Variants in BMPR1B observed in about 807,000 individuals in gnomAD.
BMPR1B encodes the protein bone morphogenetic protein receptor type 1B.
BMPR1B carries 12 observed loss-of-function variants against 59.1 expected under a neutral mutation model. The observed-to-expected ratio is 0.20, with a 90% CI of 0.13 to 0.33. The LOEUF is 0.33. Ranked by LOEUF, BMPR1B falls within the 10% of genes least tolerant of loss-of-function variation. The probability of loss-of-function intolerance (pLI) is 1.00; values close to 1 mark genes in which losing one functional copy is unlikely to be tolerated. For synonymous variants in BMPR1B, 237 were observed against 207.3 expected, an observed-to-expected ratio of 1.14 and a Z score of -1.23; for missense variants, 550 against 610.9, an observed-to-expected ratio of 0.90 and a Z score of 1.05.
At chr4:95,111,538 T>C (rs1042941877) in intron 4 of BMPR1B, among the ~76,000 whole-genome samples, 2 of 152,152 alleles carry the variant, frequency 1.3e-5, no homozygotes, top group African/African-American at 4.8e-5. Context: ...TCCAGAAGGC[T>C]ATATTATAAA....
At chr4:95,013,559 T>G (rs1424316489) in intron 3 of BMPR1B, among the ~76,000 whole-genome samples, 1 of 152,194 alleles carries the variant, frequency 6.6e-6, no homozygotes, top group Non-Finnish European at 1.5e-5. Context: ...CATTGTTTTC[T>G]GTATATATGG....
chr4:95,134,744 T>A (rs1328523921), intron 10 of BMPR1B, among the ~76,000 whole-genome samples: 3 of 152,198 alleles, frequency 2.0e-5, no homozygotes, highest in Non-Finnish European at 4.4e-5. Context: ...GTTTGAGTTC[T>A]TTGTAGATTC....
chr4:95,111,839 T>G (rs1235456749), intron 4 of BMPR1B, among the ~76,000 whole-genome samples: 1 of 152,058 alleles, frequency 6.6e-6, no homozygotes, highest in Non-Finnish European at 1.5e-5. Flanking sequence ...TGTAACAAAA[T>G]TGTTCCTGTT....
At chr4:94,934,828 G>A (rs1729229212) in intron 2 of BMPR1B, among the ~76,000 whole-genome samples, 1 of 151,532 alleles carries the variant, frequency 6.6e-6, no homozygotes, top group African/African-American at 2.4e-5. Context: ...TTGTTTTTTT[G>A]TTTTAGTTTT....
intron 3 of BMPR1B, among the ~76,000 whole-genome samples, chr4:95,007,641 A>G (rs1361758153): frequency 6.6e-6 from 1 of 152,198 alleles, no homozygotes; most frequent in African/African-American, 2.4e-5. Context: ...TTTAAGACCT[A>G]TTGCTTCTTT....
intron 2 of BMPR1B, among the ~76,000 whole-genome samples, chr4:94,932,768 G>A (rs1209969466): frequency 6.6e-6 from 1 of 152,050 alleles, no homozygotes; most frequent in Non-Finnish European, 1.5e-5. Context: ...TAATAACAGG[G>A]ATTAATTATG....
At chr4:94,956,932 A>G (rs1488838391) in intron 2 of BMPR1B, among the ~76,000 whole-genome samples, 1 of 152,218 alleles carries the variant, frequency 6.6e-6, no homozygotes, top group African/African-American at 2.4e-5. Flanking sequence ...GTAGAAATAT[A>G]AATTAAGAGG....
At chr4:95,141,062 C>T (rs1734199359) in intron 10 of BMPR1B, among the ~76,000 whole-genome samples, 1 of 152,196 alleles carries the variant, frequency 6.6e-6, no homozygotes. Flanking sequence ...GTGCAGACTC[C>T]TATGGCCATA....
At chr4:94,953,607 G>T (rs964057799) in intron 2 of BMPR1B, among the ~76,000 whole-genome samples, 1 of 152,208 alleles carries the variant, frequency 6.6e-6, no homozygotes, top group African/African-American at 2.4e-5. Flanking sequence ...GGCTTGTAGG[G>T]TTTCTGCAGA....
chr4:94,914,598 A>C (rs1728411814), intron 2 of BMPR1B, among the ~76,000 whole-genome samples: 1 of 152,134 alleles, frequency 6.6e-6, no homozygotes, highest in Non-Finnish European at 1.5e-5. Flanking sequence ...CACTGAACTT[A>C]AGGTTCTAAT....
chr4:95,108,968 C>T (rs1731407632), intron 4 of BMPR1B, among the ~76,000 whole-genome samples: 1 of 152,010 alleles, frequency 6.6e-6, no homozygotes. Flanking sequence ...TGTTCTGTTT[C>T]AGTTTCCTGT....
intron 12 of BMPR1B, among the ~76,000 whole-genome samples, chr4:95,154,043 C>T (rs1735240742): frequency 6.6e-6 from 1 of 152,102 alleles, no homozygotes. Context: ...TGAAATTGTA[C>T]TTTTCAATAG....
chr4:94,810,822 G>C (rs1446119522), intron 1 of BMPR1B, among the ~76,000 whole-genome samples: 2 of 152,172 alleles, frequency 1.3e-5, no homozygotes, highest in Non-Finnish European at 1.5e-5. Context: ...GCACATATTA[G>C]AGAGTTAGTT....
intron 1 of BMPR1B, among the ~76,000 whole-genome samples, chr4:94,832,486 A>C (rs1163218556): frequency 2.0e-5 from 3 of 152,142 alleles, no homozygotes; most frequent in African/African-American, 2.4e-5. Flanking sequence ...TCTCATGTAG[A>C]AAGGTAGTGT....
In BMPR1B at chr4:94,789,593, A is replaced by G. The variant is rs146682552; in HGVS notation, c.-183+31525A>G. Among the ~76,000 whole-genome samples, 661 of 152,332 alleles carry G rather than the reference A, an allele frequency of 4.3e-3. 6 individuals carry two copies. The highest frequency in any genetic ancestry group is 0.015 in the African/African-American group (635 of 41,586). On this transcript the variant is annotated intron_variant, in intron 1 of 12. Transcript: ENST00000515059. ...TTGTCTAACATCATTTCCATAGTCTAAAATAAACATAAAATAAATAAGTAA... is the reference window on the plus strand; with the variant it reads ...TTGTCTAACATCATTTCCATAGTCTGAAATAAACATAAAATAAATAAGTAA...
At chr4:95,003,771 G>A (rs1255572985) in intron 3 of BMPR1B, among the ~76,000 whole-genome samples, 1 of 135,706 alleles carries the variant, frequency 7.4e-6, no homozygotes, top group East Asian at 2.5e-4. Flanking sequence ...ATAAGGTCAT[G>A]ATTTAAACTT....
At chr4:94,790,051 C>T (rs1333647093) in intron 1 of BMPR1B, among the ~76,000 whole-genome samples, 2 of 152,112 alleles carry the variant, frequency 1.3e-5, no homozygotes, top group Non-Finnish European at 2.9e-5. Flanking sequence ...TTTCTTTTCT[C>T]TAGCTTACTT....
At chr4:94,954,249 T>A (rs1258270022) in intron 2 of BMPR1B, among the ~76,000 whole-genome samples, 1 of 152,198 alleles carries the variant, frequency 6.6e-6, no homozygotes, top group East Asian at 1.9e-4. Context: ...CAGTTCTCGC[T>A]CATTACTATA....
At chr4:94,981,001 A>ACGCGCGCGTACGCGCGCG (rs1553923770) in intron 2 of BMPR1B, among the ~76,000 whole-genome samples, 1 of 8,088 alleles carries the variant, frequency 1.2e-4, no homozygotes, top group African/African-American at 3.1e-4. Flanking sequence ...TCACACACAC[A>ACGCGCGCGTACGCGCGCG]CACACACACA....
Sources: gnomAD v4.1 joint callset for allele counts (sites outside exome capture counted in the v4.1 genomes callset) on GRCh38, gnomAD v4.1.1 for gene constraint, MANE v1.5 for transcripts, NCBI Gene and HGNC (gene_info 2026-07-23, HGNC 2026-07-21) for gene names.